The following EXOC6 variants were observed in gnomAD, a reference collection of about 807,000 sequenced individuals.
The protein encoded by EXOC6 is exocyst complex component 6.
Under a neutral mutation model 112.5 loss-of-function variants are expected in EXOC6, and 60 were observed. The ratio of observed to expected loss-of-function variants is 0.53; its 90% CI spans 0.43 to 0.66. The LOEUF (loss-of-function observed/expected upper bound fraction) is 0.66. Among genes scored for constraint, EXOC6 ranks in the 30% least tolerant of loss-of-function variants. The pLI is 0.00. For synonymous variants in EXOC6, 295 were observed against 308.0 expected, an observed-to-expected ratio of 0.96 and a Z score of 0.44; for missense variants, 855 against 957.1, an observed-to-expected ratio of 0.89 and a Z score of 1.41.
intron 17 of EXOC6, among the ~76,000 whole-genome samples, chr10:92,960,036 A>C (rs948720441): frequency 6.6e-6 from 1 of 152,212 alleles, no homozygotes; most frequent in South Asian, 2.1e-4. Context: ...TTGAAAACTT[A>C]GGTTCACCCA....
At chr10:92,827,925 T>G in intron 1 of EXOC6, among the ~76,000 whole-genome samples, 1 of 152,336 alleles carries the variant, frequency 6.6e-6, no homozygotes, top group East Asian at 1.9e-4. Flanking sequence ...TGTGACTCTG[T>G]TGGCACTTTC....
intron 13 of EXOC6, among the ~76,000 whole-genome samples, chr10:92,941,288 T>C (rs563930782): frequency 6.6e-6 from 1 of 152,332 alleles, no homozygotes; most frequent in South Asian, 2.1e-4. Flanking sequence ...TAATATTCCA[T>C]TGTCTTTATA....
chr10:93,002,100 A>G (rs993439803), intron 19 of EXOC6, among the ~76,000 whole-genome samples: 1 of 152,154 alleles, frequency 6.6e-6, no homozygotes, highest in Admixed American at 6.5e-5. Flanking sequence ...CTTCCAAATC[A>G]TTGAAGCTAC....
intron 1 of EXOC6, among the ~76,000 whole-genome samples, chr10:92,887,997 A>G (rs1177136920): frequency 1.3e-5 from 2 of 152,094 alleles, no homozygotes; most frequent in Non-Finnish European, 2.9e-5. Context: ...GCTTATGTGC[A>G]TGTCTGGAAT....
At chr10:93,020,784 A>C (rs1844746862) in intron 20 of EXOC6, among the ~76,000 whole-genome samples, 1 of 152,074 alleles carries the variant, frequency 6.6e-6, no homozygotes, top group Admixed American at 6.6e-5. Flanking sequence ...CTCAGAAACC[A>C]GTACTCTAAA....
intron 18 of EXOC6, among the ~76,000 whole-genome samples, chr10:92,996,893 CAT>C (rs890762741): frequency 2.0e-5 from 3 of 152,056 alleles, no homozygotes; most frequent in African/African-American, 7.2e-5. Flanking sequence ...ATCTTGAAGT[CAT>C]ATTGGTAGAC....
chr10:92,967,135 T>G (rs1842102173), intron 17 of EXOC6, among the ~76,000 whole-genome samples: 1 of 151,602 alleles, frequency 6.6e-6, no homozygotes, highest in African/African-American at 2.4e-5. Flanking sequence ...TTGATGGGGT[T>G]GTTTGTTTTT....
chr10:92,947,750 A>C (rs1195291156), intron 13 of EXOC6, among the ~76,000 whole-genome samples: 1 of 152,172 alleles, frequency 6.6e-6, no homozygotes, highest in East Asian at 1.9e-4. Context: ...TTTACTAAAA[A>C]TAAAATTAGC....
chr10:93,014,292 A>G (rs767111215), intron 20 of EXOC6, 25 bp downstream of exon 20: 1 of 1,573,142 alleles, frequency 6.4e-7, no homozygotes, highest in South Asian at 1.1e-5. Context: ...TGTACTTCCC[A>G]TTTGTTGCCC....
At chr10:93,040,722 T>A (rs1845726140) in intron 20 of EXOC6, among the ~76,000 whole-genome samples, 1 of 152,216 alleles carries the variant, frequency 6.6e-6, no homozygotes, top group African/African-American at 2.4e-5. Flanking sequence ...TTCACTTAGG[T>A]CACCAGGGAA....
In EXOC6 at chr10:92,894,777, G is replaced by T; in HGVS notation, c.274-17G>T. The T allele has an allele frequency of 6.2e-7, 1 of 1,611,926 alleles. No individual in the cohort carries two copies. Among genetic ancestry groups the T allele is most frequent in the South Asian group, 1.1e-5 (1 of 90,922 alleles). ...TTATGCATATTTGTCTAACTAAGGT[G>T]AAATTAAATTTTTAAGGTGCAAGTT... is the stretch of plus-strand genomic sequence containing the variant. On this transcript the variant is annotated splice_polypyrimidine_tract_variant and intron_variant, in intron 2 of 21. Transcript: ENST00000260762.
At chr10:92,991,148 C>CA (rs1418023616) in intron 18 of EXOC6, among the ~76,000 whole-genome samples, 13 of 147,872 alleles carry the variant, frequency 8.8e-5, no homozygotes, top group Admixed American at 2.0e-4. Context: ...TTTCCCAAGA[C>CA]AGAGTCTGGC....
intron 12 of EXOC6, among the ~76,000 whole-genome samples, chr10:92,939,351 G>A (rs1852528241): frequency 1.3e-5 from 2 of 152,016 alleles, no homozygotes; most frequent in African/African-American, 2.4e-5. Flanking sequence ...AGATGATGGA[G>A]AATGATAGAT....
intron 17 of EXOC6, among the ~76,000 whole-genome samples, 157 bp from the exon 18 acceptor site, chr10:92,973,896 A>G (rs1268900669): frequency 1.3e-5 from 2 of 152,172 alleles, no homozygotes; most frequent in Non-Finnish European, 2.9e-5. Flanking sequence ...AAATAAATAG[A>G]GTACTGCCAG....
upstream of EXOC6, chr10:92,834,630 A>C: frequency 1.2e-6 from 1 of 854,410 alleles, no homozygotes; most frequent in Admixed American, 2.9e-5. Flanking sequence ...TGAACAGAGA[A>C]TCCTTCTAAT....
chr10:93,017,264 G>C (rs76424458), intron 20 of EXOC6, among the ~76,000 whole-genome samples: 1 of 152,126 alleles, frequency 6.6e-6, no homozygotes, highest in Admixed American at 6.5e-5. Context: ...GACTCAAAAG[G>C]GGGAGGGTGG....
chr10:92,987,043 A>T (rs2134141233), intron 18 of EXOC6, among the ~76,000 whole-genome samples: 1 of 152,298 alleles, frequency 6.6e-6, no homozygotes, highest in Middle Eastern at 3.4e-3. Context: ...TTATGTGAAG[A>T]AGTAGACTTA....
In EXOC6 at chr10:92,987,184, C is replaced by T. The variant is rs540261710; in HGVS notation, c.1954-10290C>T. ...AATATTTAGATTCCAGTGCTTGGCC[C>T]TAGACCTAACAACTAAAATTTTTGA... is the stretch of plus-strand genomic sequence containing the variant. On this transcript the variant is annotated intron_variant, in intron 18 of 21. Coordinates refer to ENST00000260762, the MANE Select transcript of EXOC6 (RefSeq NM_019053.6). 5.3e-5 allele frequency among the ~76,000 whole-genome samples: 8 copies of T among 152,210 alleles called. No homozygotes were observed. The East Asian group carries it at 9.6e-4, about 18-fold the overall frequency.
At chr10:92,846,125 G>A (rs1038034902), upstream of EXOC6, among the ~76,000 whole-genome samples, 3 of 152,228 alleles carry the variant, frequency 2.0e-5, no homozygotes, top group Non-Finnish European at 2.9e-5. Flanking sequence ...GAATTTCGGG[G>A]AAGATACTGC....
Sources: allele counts gnomAD v4.1 joint callset (sites outside exome capture counted in the v4.1 genomes callset), GRCh38; gene constraint gnomAD v4.1.1; transcripts MANE v1.5; gene names NCBI Gene and HGNC (gene_info 2026-07-23, HGNC 2026-07-21).